DGKI: variants seen among roughly 807,000 people sequenced by gnomAD.
The protein encoded by DGKI is DAG kinase iota.
A neutral mutation model predicts 147.5 loss-of-function variants in DGKI; 55 were observed. That is an observed-to-expected ratio of 0.37 (90% confidence interval 0.30 to 0.47). The LOEUF is 0.47. Among genes scored for constraint, DGKI ranks in the 20% least tolerant of loss-of-function variants. DGKI has a pLI of 1.00. For missense variants in DGKI, 1,007 were observed against 1,323.8 expected, an observed-to-expected ratio of 0.76 and a Z score of 3.71; for synonymous variants, 469 against 477.1, an observed-to-expected ratio of 0.98 and a Z score of 0.22.
chr7:137,640,824 A>T (rs1214690423), intron 6 of DGKI, among the ~76,000 whole-genome samples: 1 of 152,238 alleles, frequency 6.6e-6, no homozygotes, highest in African/African-American at 2.4e-5. Context: ...AATATTTACT[A>T]AAAATAAAGA....
chr7:137,585,035 C>T (rs977108759), intron 14 of DGKI, among the ~76,000 whole-genome samples, 174 bp downstream of exon 14: 3 of 152,160 alleles, frequency 2.0e-5, no homozygotes, highest in Non-Finnish European at 2.9e-5. Flanking sequence ...GTCTATGGGG[C>T]AGAATCATTA....
At position 137,385,862 on chromosome 7, in the gene DGKI, C is replaced by T. The variant is rs879599876; in HGVS notation, c.*5358G>A. The T allele has an allele frequency of 1.1e-4, 16 of 152,152 alleles. No individual in the cohort carries two copies. Among genetic ancestry groups the T allele is most frequent in the Non-Finnish European group, 2.1e-4 (14 of 68,018 alleles). 9.4% of individuals were successfully genotyped at this position (152,152 alleles called of 1,614,324 possible). The stretch of plus-strand genomic sequence containing the variant: ...CCATGCTGGACACCCTGGGGTTCTC[C>T]TGCACTGCACTTATCACATTGGAAT... On this transcript the variant is annotated 3_prime_UTR_variant, in exon 33 of 33. Transcript: ENST00000614521.
At chr7:137,707,996 T>C (rs1482213313) in intron 1 of DGKI, among the ~76,000 whole-genome samples, 1 of 152,160 alleles carries the variant, frequency 6.6e-6, no homozygotes, top group Non-Finnish European at 1.5e-5. Context: ...CCCCTATCCC[T>C]AAGGTTTCAA....
chr7:137,477,731 A>G (rs1815223802), intron 23 of DGKI, among the ~76,000 whole-genome samples: 1 of 152,058 alleles, frequency 6.6e-6, no homozygotes. Flanking sequence ...ATCTCAGCTC[A>G]CTGCATCCTC....
In DGKI at chr7:137,567,157, G is replaced by C. The variant is rs183280723; in HGVS notation, c.1947+4018C>G. ...CGGGTGCCTGTAATCCCAGCTACTTGGGGGGCTAAGGCAGGAGAATCGCTT... is the reference window on the plus strand; with the variant it reads ...CGGGTGCCTGTAATCCCAGCTACTTCGGGGGCTAAGGCAGGAGAATCGCTT... On this transcript the variant is annotated intron_variant, in intron 19 of 32. Transcript: ENST00000614521. 2.5e-3 allele frequency among the ~76,000 whole-genome samples: 372 copies of C among 151,800 alleles called. 4 individuals are homozygous for C. Among genetic ancestry groups the C allele is most frequent in the African/African-American group, 8.6e-3 (355 of 41,294 alleles).
At chr7:137,679,241 C>T (rs1162450970) in intron 2 of DGKI, among the ~76,000 whole-genome samples, 3 of 152,300 alleles carry the variant, frequency 2.0e-5, no homozygotes, top group South Asian at 4.1e-4. Flanking sequence ...GTAAGGTCTT[C>T]ACCCAATTAC....
At chr7:137,645,876 G>A (rs931399573) in intron 5 of DGKI, among the ~76,000 whole-genome samples, 3 of 152,152 alleles carry the variant, frequency 2.0e-5, no homozygotes, top group Non-Finnish European at 4.4e-5. Flanking sequence ...ATGAATCTAC[G>A]TGGACAAATT....
At chr7:137,527,246 T>C (rs985118096) in intron 20 of DGKI, among the ~76,000 whole-genome samples, 2 of 152,194 alleles carry the variant, frequency 1.3e-5, no homozygotes, top group Admixed American at 1.3e-4. Flanking sequence ...TAATAATAGT[T>C]GTTGTTACTA....
At chr7:137,583,742 A>T (rs1010126170) in intron 14 of DGKI, among the ~76,000 whole-genome samples, 2 of 152,144 alleles carry the variant, frequency 1.3e-5, no homozygotes, top group African/African-American at 4.8e-5. Context: ...GAAACTTACA[A>T]TATCCATATG....
intron 6 of DGKI, among the ~76,000 whole-genome samples, chr7:137,638,493 CATATATATGT>C (rs1821438778): frequency 9.1e-6 from 1 of 109,458 alleles, no homozygotes; most frequent in Non-Finnish European, 1.8e-5. Context: ...TATATACACA[CATATATATGT>C]ATATATATGT....
At chr7:137,749,663 G>C (rs908108597) in intron 1 of DGKI, among the ~76,000 whole-genome samples, 9 of 152,104 alleles carry the variant, frequency 5.9e-5, no homozygotes, top group African/African-American at 9.7e-5. Flanking sequence ...GAGCTTAAAG[G>C]GTTGTTGAAG....
At chr7:137,410,921 A>G (rs546731141) in intron 29 of DGKI, among the ~76,000 whole-genome samples, 18 of 152,364 alleles carry the variant, frequency 1.2e-4, no homozygotes, top group African/African-American at 4.1e-4. Flanking sequence ...TTCTATTGAC[A>G]CTATGATCTG....
At chr7:137,750,315 G>A (rs1379013683) in intron 1 of DGKI, among the ~76,000 whole-genome samples, 1 of 152,114 alleles carries the variant, frequency 6.6e-6, no homozygotes, top group African/African-American at 2.4e-5. Context: ...GCTTCAACCT[G>A]GCAGATTCCA....
At chr7:137,503,430 TAAAAC>T (rs918176907) in intron 21 of DGKI, among the ~76,000 whole-genome samples, 1 of 152,054 alleles carries the variant, frequency 6.6e-6, no homozygotes, top group African/African-American at 2.4e-5. Context: ...AAACCAAACA[TAAAAC>T]AAAACCCACG....
chr7:137,659,525 A>G (rs995239793), intron 3 of DGKI, among the ~76,000 whole-genome samples: 1 of 152,248 alleles, frequency 6.6e-6, no homozygotes. Context: ...AAGATGCAGG[A>G]ATCTGGACAT....
At chr7:137,524,252 T>G (rs1380748701) in intron 20 of DGKI, among the ~76,000 whole-genome samples, 4 of 152,144 alleles carry the variant, frequency 2.6e-5, no homozygotes, top group Non-Finnish European at 4.4e-5. Context: ...TGGCATAAGC[T>G]CCTTCATATA....
chr7:137,678,027 T>C (rs561561902), intron 3 of DGKI, among the ~76,000 whole-genome samples: 1 of 152,340 alleles, frequency 6.6e-6, no homozygotes, highest in South Asian at 2.1e-4. Flanking sequence ...TTAACTCCAA[T>C]TGACCTGACT....
At chr7:137,451,984 T>A (rs893680677) in intron 27 of DGKI, among the ~76,000 whole-genome samples, 1 of 152,232 alleles carries the variant, frequency 6.6e-6, no homozygotes, top group Non-Finnish European at 1.5e-5. Flanking sequence ...CAATAGATTA[T>A]CCATTAGTCT....
At chr7:137,506,666 TTAA>T (rs1036362335) in intron 21 of DGKI, among the ~76,000 whole-genome samples, 8 of 152,016 alleles carry the variant, frequency 5.3e-5, no homozygotes, top group African/African-American at 1.9e-4. Flanking sequence ...ATGCAAAATG[TTAA>T]TAAAGGGGAG....
Sources: gnomAD v4.1 joint callset for allele counts (sites outside exome capture counted in the v4.1 genomes callset) on GRCh38, gnomAD v4.1.1 for gene constraint, MANE v1.5 for transcripts, NCBI Gene and HGNC (gene_info 2026-07-23, HGNC 2026-07-21) for gene names.